Variants in SIL1 observed in about 807,000 individuals in gnomAD.
The protein encoded by SIL1 is SIL1 nucleotide exchange factor, also known as nucleotide exchange factor SIL1.
A neutral mutation model predicts 49.1 loss-of-function variants in SIL1; 40 were observed. The ratio of observed to expected loss-of-function variants is 0.81; its 90% CI spans 0.63 to 1.06. The LOEUF (loss-of-function observed/expected upper bound fraction) is 1.06. SIL1 is among the 50% of genes least tolerant of loss of function. SIL1 has a pLI of 0.00. For synonymous variants in SIL1, 253 were observed against 250.8 expected (o/e 1.01, Z -0.08); for missense variants, 500 against 572.6 (o/e 0.87, Z 1.29).
At chr5:139,041,524 C>T (rs1769047372) in intron 5 of SIL1, among the ~76,000 whole-genome samples, 1 of 152,082 alleles carries the variant, frequency 6.6e-6, no homozygotes, top group East Asian at 1.9e-4. Context: ...CAAATGAGTG[C>T]CCAGCACGGT....
intron 1 of SIL1, among the ~76,000 whole-genome samples, chr5:139,134,301 A>T (rs534768486): frequency 6.6e-6 from 1 of 152,178 alleles, no homozygotes; most frequent in South Asian, 2.1e-4. Context: ...CTGGCTTTTT[A>T]AAATTTATTA....
chr5:139,001,737 T>C (rs1489993716), intron 7 of SIL1, among the ~76,000 whole-genome samples: 2 of 152,084 alleles, frequency 1.3e-5, no homozygotes, highest in African/African-American at 4.8e-5. Flanking sequence ...AAACCCCGTC[T>C]CTACTAAAAA....
intron 6 of SIL1, among the ~76,000 whole-genome samples, chr5:139,023,311 T>G (rs1768570801): frequency 6.6e-6 from 1 of 152,016 alleles, no homozygotes. Flanking sequence ...AAAACTGTTC[T>G]CAGGCTGCCT....
intron 7 of SIL1, among the ~76,000 whole-genome samples, chr5:138,966,227 A>G (rs1561808064): frequency 6.6e-6 from 1 of 152,174 alleles, no homozygotes; most frequent in African/African-American, 2.4e-5. Context: ...GGTGGGGGCA[A>G]GGCAGGAAGA....
intron 7 of SIL1, among the ~76,000 whole-genome samples, chr5:139,016,494 G>A (rs1177235736): frequency 6.6e-6 from 1 of 152,148 alleles, no homozygotes; most frequent in African/African-American, 2.4e-5. Flanking sequence ...AATGAAAAGA[G>A]AGAAGGAGGA....
At chr5:139,054,415 TA>T (rs1356033575) in intron 3 of SIL1, among the ~76,000 whole-genome samples, 1 of 151,794 alleles carries the variant, frequency 6.6e-6, no homozygotes, top group Non-Finnish European at 1.5e-5. Context: ...GTCTCTAAAT[TA>T]AAAAAATAAT....
chr5:139,059,096 A>G (rs1163563629), intron 3 of SIL1, among the ~76,000 whole-genome samples: 2 of 152,170 alleles, frequency 1.3e-5, no homozygotes, highest in Non-Finnish European at 2.9e-5. Context: ...ACATACATAC[A>G]TTTGTATATA....
intron 1 of SIL1, among the ~76,000 whole-genome samples, chr5:139,195,314 T>A (rs1752245692): frequency 6.6e-6 from 1 of 152,246 alleles, no homozygotes; most frequent in Admixed American, 6.5e-5. Context: ...TGCATTCCTA[T>A]GTCCCAAGAG....
At chr5:138,961,770 T>C (rs1767024301) in intron 7 of SIL1, among the ~76,000 whole-genome samples, 1 of 152,166 alleles carries the variant, frequency 6.6e-6, no homozygotes, top group African/African-American at 2.4e-5. Context: ...GTGACTCTAT[T>C]AAGTACACTT....
At chr5:139,003,925 G>A (rs1308546913) in intron 7 of SIL1, among the ~76,000 whole-genome samples, 1 of 152,236 alleles carries the variant, frequency 6.6e-6, no homozygotes, top group East Asian at 1.9e-4. Context: ...GGGAAGCACA[G>A]TGGATTTTTC....
intron 1 of SIL1, among the ~76,000 whole-genome samples, chr5:139,161,387 A>G (rs1279286723): frequency 6.6e-6 from 1 of 152,264 alleles, no homozygotes; most frequent in Non-Finnish European, 1.5e-5. Flanking sequence ...CATCTAAGTC[A>G]GGTTAAAGGT....
intron 5 of SIL1, chr5:139,036,059 T>G (rs1768903132): frequency 6.6e-6 from 1 of 152,180 alleles, no homozygotes; most frequent in Admixed American, 6.5e-5. Context: ...ATGCTGGATA[T>G]CAGACCTTTG....
rs1188992733 is a variant in SIL1 at position 139,004,081 on chromosome 5, G to C, written c.767+17090C>G. Reference sequence around the variant, plus strand: ...GTGTCAGGCCAAGCAACTAGGCTAAGAATACCAAAAGCACTGTCTTCCCTC... The same window carrying C: ...GTGTCAGGCCAAGCAACTAGGCTAACAATACCAAAAGCACTGTCTTCCCTC... On this transcript the variant is annotated intron_variant, in intron 7 of 9. Coordinates refer to ENST00000394817, the MANE Select transcript of SIL1 (RefSeq NM_022464.5). Among the ~76,000 whole-genome samples the C allele has an allele frequency of 2.6e-5, 4 of 152,138 alleles. No individual in the cohort carries two copies. In the East Asian group the frequency reaches 7.7e-4, roughly 29 times the overall value.
chr5:138,972,131 A>C (rs1392169669), intron 7 of SIL1, among the ~76,000 whole-genome samples: 1 of 152,196 alleles, frequency 6.6e-6, no homozygotes, highest in Non-Finnish European at 1.5e-5. Context: ...TTTGGAAGCC[A>C]GATCCAGCAG....
intron 3 of SIL1, among the ~76,000 whole-genome samples, chr5:139,074,699 G>T (rs1241885211): frequency 6.6e-6 from 1 of 152,168 alleles, no homozygotes. Flanking sequence ...AGGAGGATTT[G>T]CTCCCACATT....
chr5:139,072,840 T>C (rs918643681), intron 3 of SIL1, among the ~76,000 whole-genome samples: 7 of 151,952 alleles, frequency 4.6e-5, no homozygotes, highest in African/African-American at 1.7e-4. Context: ...CCAAAATAAA[T>C]ATGGAACTCA....
intron 1 of SIL1, among the ~76,000 whole-genome samples, chr5:139,164,258 C>G (rs1751574545): frequency 6.6e-6 from 1 of 152,130 alleles, no homozygotes; most frequent in Non-Finnish European, 1.5e-5. Flanking sequence ...GTCTCTCTGA[C>G]TCAAAAGAGC....
In SIL1 at chr5:139,170,102, C is replaced by T. The variant is rs571122647; in HGVS notation, c.-11+28167G>A. On this transcript the variant is annotated intron_variant, in intron 1 of 9. Transcript: ENST00000394817. ...CGGGCTGGTCTCCAGCTCCTAACCG[C>T]GAGTGATCCGCCAGCCTCGGCCTCC... is the stretch of plus-strand genomic sequence containing the variant. Among the ~76,000 whole-genome samples, 874 of 152,314 alleles carry T rather than the reference C, an allele frequency of 5.7e-3. 5 individuals carry two copies. The highest frequency in any genetic ancestry group is 9.9e-3 in the Non-Finnish European group (672 of 68,020).
chr5:139,016,939 C>A, intron 7 of SIL1: 1 of 152,252 alleles, frequency 6.6e-6, no homozygotes. Flanking sequence ...CTTGACTTTC[C>A]AAGTTCAAGC....
Sources: gnomAD v4.1 joint callset for allele counts (sites outside exome capture counted in the v4.1 genomes callset) on GRCh38, gnomAD v4.1.1 for gene constraint, MANE v1.5 for transcripts, NCBI Gene and HGNC (gene_info 2026-07-23, HGNC 2026-07-21) for gene names.